RERE: variants seen among roughly 807,000 people sequenced by gnomAD.
RERE encodes arginine-glutamic acid dipeptide repeats, also known as arginine-glutamic acid dipeptide repeats protein.
A neutral mutation model predicts 146.1 loss-of-function variants in RERE; 40 were observed. The ratio of observed to expected loss-of-function variants is 0.27; its 90% confidence interval spans 0.21 to 0.36. RERE has a LOEUF of 0.36. Among genes scored for constraint, RERE ranks in the 10% least tolerant of loss-of-function variants. The pLI is 1.00. For synonymous variants in RERE, 1,003 were observed against 866.0 expected (o/e 1.16, Z -2.78); for missense variants, 1,933 against 2,138.7 (o/e 0.90, Z 1.90).
chr1:8,674,189 G>A (rs1638783086), intron 1 of RERE, among the ~76,000 whole-genome samples: 1 of 152,048 alleles, frequency 6.6e-6, no homozygotes, highest in Non-Finnish European at 1.5e-5. Context: ...GTGCAAAGTT[G>A]CAGCTTTTTC....
chr1:8,441,413 C>T (rs1012772559), intron 11 of RERE, among the ~76,000 whole-genome samples: 2 of 152,198 alleles, frequency 1.3e-5, no homozygotes, highest in African/African-American at 2.4e-5. Flanking sequence ...GCCTCCTCTC[C>T]CCCGCTCCCA....
chr1:8,803,678 T>A (rs1400660684), intron 1 of RERE, among the ~76,000 whole-genome samples: 1 of 151,298 alleles, frequency 6.6e-6, no homozygotes, highest in Non-Finnish European at 1.5e-5. Context: ...TTCTCCCCCC[T>A]CAGCATCGCG....
chr1:8,748,889 T>C (rs929657870), intron 1 of RERE, among the ~76,000 whole-genome samples: 1 of 152,192 alleles, frequency 6.6e-6, no homozygotes, highest in Non-Finnish European at 1.5e-5. Context: ...TATCAGAACA[T>C]ACATATTTTA....
At chr1:8,503,786 T>C (rs1645213331) in intron 8 of RERE, among the ~76,000 whole-genome samples, 1 of 152,204 alleles carries the variant, frequency 6.6e-6, no homozygotes, top group South Asian at 2.1e-4. Context: ...CTAAGATATA[T>C]TAATTTGCTT....
chr1:8,515,488 G>A (rs947849438), intron 7 of RERE, among the ~76,000 whole-genome samples: 1 of 152,020 alleles, frequency 6.6e-6, no homozygotes, highest in Non-Finnish European at 1.5e-5. Context: ...AAACTTAGCC[G>A]GGCGTGGTGG....
chr1:8,721,517 T>C (rs1328122097), intron 1 of RERE, among the ~76,000 whole-genome samples: 2 of 152,120 alleles, frequency 1.3e-5, no homozygotes, highest in Non-Finnish European at 2.9e-5. Flanking sequence ...TTTCACCATG[T>C]TGGCCAGGCC....
At chr1:8,576,273 G>A (rs1035140571) in intron 4 of RERE, among the ~76,000 whole-genome samples, 6 of 151,954 alleles carry the variant, frequency 3.9e-5, no homozygotes, top group Admixed American at 3.9e-4. Context: ...GCATGGGGTG[G>A]GTTAGATAAA....
intron 1 of RERE, among the ~76,000 whole-genome samples, chr1:8,695,116 C>A (rs1399026966): frequency 6.7e-6 from 1 of 150,168 alleles, no homozygotes; most frequent in East Asian, 1.9e-4. Context: ...CAAATAAAGT[C>A]ATAAACCTAC....
intron 1 of RERE, among the ~76,000 whole-genome samples, chr1:8,775,657 A>G (rs1239564638): frequency 6.6e-6 from 1 of 152,248 alleles, no homozygotes; most frequent in East Asian, 1.9e-4. Flanking sequence ...AGCACCTAAT[A>G]TTAAATACAC....
chr1:8,678,672 G>A (rs542502289), intron 1 of RERE, among the ~76,000 whole-genome samples: 2 of 151,704 alleles, frequency 1.3e-5, no homozygotes, highest in African/African-American at 2.4e-5. Flanking sequence ...TCTAGCCTGG[G>A]CGACAGAGCG....
intron 11 of RERE, chr1:8,424,323 T>A (rs1643976234): frequency 6.6e-6 from 1 of 152,102 alleles, no homozygotes; most frequent in African/African-American, 2.4e-5. Context: ...GGGCAGAGGG[T>A]CCCTCCCACT....
intron 7 of RERE, among the ~76,000 whole-genome samples, chr1:8,511,572 T>C (rs559755984): frequency 2.2e-4 from 33 of 152,250 alleles, no homozygotes; most frequent in African/African-American, 7.7e-4. Context: ...AAGAGGTAGA[T>C]AGCAACACAC....
At chr1:8,409,971 A>ATTTTTTT (rs57424627) in intron 12 of RERE, among the ~76,000 whole-genome samples, 1 of 95,390 alleles carries the variant, frequency 1.0e-5, no homozygotes, top group Non-Finnish European at 2.0e-5. Flanking sequence ...CAATCAGGCA[A>ATTTTTTT]TTTTTTTTTT....
At chr1:8,533,328 A>C (rs1179708146) in intron 7 of RERE, among the ~76,000 whole-genome samples, 1 of 152,138 alleles carries the variant, frequency 6.6e-6, no homozygotes, top group African/African-American at 2.4e-5. Flanking sequence ...TAAGCCTTTT[A>C]CACAGTCTCT....
intron 12 of RERE, among the ~76,000 whole-genome samples, chr1:8,378,536 G>C (rs933098976): frequency 1.3e-5 from 2 of 152,110 alleles, no homozygotes; most frequent in Non-Finnish European, 2.9e-5. Context: ...AATCCAGTAC[G>C]ACTGGTGTCC....
intron 11 of RERE, chr1:8,434,877 A>G (rs1432244103): frequency 6.6e-6 from 1 of 152,174 alleles, no homozygotes; most frequent in Non-Finnish European, 1.5e-5. Context: ...AAGTGAAGAA[A>G]CCTTCAAGAT....
In RERE at chr1:8,362,714, C is replaced by G; in HGVS notation, c.1871G>C (p.Ser624Thr). 2 of 1,614,266 alleles carry G rather than the reference C, an allele frequency of 1.2e-6. No homozygotes were observed. Among genetic ancestry groups the G allele is most frequent in the Non-Finnish European group, 1.7e-6 (2 of 1,180,052 alleles). The change falls in exon 16 of 23, where the codon AGT becomes ACT. Residue 624 changes from serine to threonine, a missense_variant. Ser to Thr is a moderately conservative substitution (Grantham distance 58). Transcript: ENST00000400908. ...PSAASTSSND[S>T]KAETVKKSAK... Reference sequence around the variant, plus strand: ...CGACTTCTTCACTGTCTCTGCTTTACTGTCATTGCTGGAGGTACTGGCAGC... The same window carrying G: ...CGACTTCTTCACTGTCTCTGCTTTAGTGTCATTGCTGGAGGTACTGGCAGC...
At chr1:8,688,034 T>A (rs1352757254) in intron 1 of RERE, among the ~76,000 whole-genome samples, 1 of 152,182 alleles carries the variant, frequency 6.6e-6, no homozygotes, top group Non-Finnish European at 1.5e-5. Flanking sequence ...ACACAGATGG[T>A]CCCCAACTTA....
intron 1 of RERE, among the ~76,000 whole-genome samples, chr1:8,777,150 C>T (rs1477207603): frequency 6.6e-6 from 1 of 152,158 alleles, no homozygotes; most frequent in Non-Finnish European, 1.5e-5. Flanking sequence ...AAGTAGAACA[C>T]GAAAGAAAGT....
Sources: gnomAD v4.1 joint callset for allele counts (sites outside exome capture counted in the v4.1 genomes callset) on GRCh38, gnomAD v4.1.1 for gene constraint, MANE v1.5 for transcripts, NCBI Gene and HGNC (gene_info 2026-07-23, HGNC 2026-07-21) for gene names.